Variants in ZNF782 observed in about 807,000 individuals in gnomAD.
ZNF782 encodes zinc finger protein 782.
A neutral mutation model predicts 13.0 loss-of-function variants in ZNF782; 12 were observed. The observed-to-expected ratio is 0.92, with a 90% CI of 0.59 to 1.50. The LOEUF is 1.50. Among genes scored for constraint, ZNF782 ranks in the 40% most tolerant of loss-of-function variants. The pLI, the probability that ZNF782 is intolerant of heterozygous loss-of-function variation, is 0.00. For synonymous variants in ZNF782, 284 were observed against 283.0 expected (o/e 1.00, Z -0.04); for missense variants, 770 against 822.9 (o/e 0.94, Z 0.79).
At chr9:96,842,608 T>C (rs908854304) in intron 4 of ZNF782, among the ~76,000 whole-genome samples, 1 of 152,020 alleles carries the variant, frequency 6.6e-6, no homozygotes, top group East Asian at 1.9e-4. Context: ...TAAAATATAT[T>C]ACACAATTTT....
At chr9:96,852,079 A>C in intron 2 of ZNF782, 74 bp from the exon 3 acceptor site, 50 of 985,038 alleles carry the variant, frequency 5.1e-5, no homozygotes, top group Non-Finnish European at 6.9e-5. Flanking sequence ...CCCAAATCTC[A>C]GCAACCCAGT....
chr9:96,875,482 G>A, exon 1 of ZNF782: 1 of 456,746 alleles, frequency 2.2e-6, no homozygotes, highest in South Asian at 1.5e-5. Context: ...AATAAAGCTG[G>A]AATTTATGCA....
intron 4 of ZNF782, among the ~76,000 whole-genome samples, chr9:96,840,773 A>T (rs1375641170): frequency 6.6e-6 from 1 of 152,068 alleles, no homozygotes; most frequent in Non-Finnish European, 1.5e-5. Context: ...GCAGTGCTGA[A>T]TTTTTTATGG....
intron 1 of ZNF782, among the ~76,000 whole-genome samples, chr9:96,866,043 T>C (rs950401489): frequency 2.0e-5 from 3 of 152,178 alleles, no homozygotes; most frequent in African/African-American, 7.2e-5. Flanking sequence ...TTTGGAAAAT[T>C]TGCAGCCTGA....
At chr9:96,838,630 TG>T (rs1360521203) in intron 4 of ZNF782, among the ~76,000 whole-genome samples, 1 of 152,202 alleles carries the variant, frequency 6.6e-6, no homozygotes, top group Non-Finnish European at 1.5e-5. Context: ...CCATCCTTGA[TG>T]ATCTTCCATG....
chr9:96,910,430 T>C, the ZNF782 span: 11 of 340,922 alleles, frequency 3.2e-5, no homozygotes, highest in Non-Finnish European at 5.3e-5. Flanking sequence ...AAAGTTAAAC[T>C]AAAAAAAAAA....
At chr9:96,849,383 T>C (rs995839144) in intron 3 of ZNF782, among the ~76,000 whole-genome samples, 1 of 152,250 alleles carries the variant, frequency 6.6e-6, no homozygotes, top group African/African-American at 2.4e-5. Context: ...TGCCCTTCCA[T>C]TCCTAACAGA....
the ZNF782 span, chr9:96,889,738 A>C: frequency 2.0e-5 from 3 of 152,192 alleles, no homozygotes; most frequent in East Asian, 5.8e-4. Context: ...TATTAATTTC[A>C]TCTTTATCCT....
the ZNF782 span, among the ~76,000 whole-genome samples, chr9:96,911,665 C>T: frequency 0.017 from 2,529 of 150,316 alleles, 6 homozygotes; most frequent in East Asian, 0.19. Context: ...GGACTACAGG[C>T]GCCCGCCACT....
At chr9:96,893,814 C>T in the ZNF782 span, 3 of 144,894 alleles carry the variant, frequency 2.1e-5, no homozygotes, top group South Asian at 6.4e-4. Flanking sequence ...TCCTGGCTAG[C>T]ACGGTGAAAC....
chr9:96,877,329 A>T (rs1328125082), upstream of ZNF782, among the ~76,000 whole-genome samples: 1 of 152,196 alleles, frequency 6.6e-6, no homozygotes, highest in African/African-American at 2.4e-5. Context: ...GAACACCCCC[A>T]GATGCCGCTG....
At chr9:96,892,803 G>A in the ZNF782 span, 4 of 151,600 alleles carry the variant, frequency 2.6e-5, no homozygotes, top group South Asian at 2.1e-4. Flanking sequence ...TATATCATTC[G>A]TGAACATTTA....
the ZNF782 span, among the ~76,000 whole-genome samples, chr9:96,916,619 C>T: frequency 2.6e-5 from 4 of 152,084 alleles, no homozygotes; most frequent in African/African-American, 9.7e-5. Flanking sequence ...CTTCTTCCTC[C>T]AAGGGCTGGT....
intron 1 of ZNF782, among the ~76,000 whole-genome samples, chr9:96,866,903 G>A (rs903066524): frequency 3.9e-5 from 6 of 152,130 alleles, no homozygotes; most frequent in Admixed American, 1.3e-4. Flanking sequence ...CCTTTGTTTT[G>A]GCCAATTTCT....
chr9:96,879,656 A>G (rs1182528781), upstream of ZNF782, among the ~76,000 whole-genome samples: 1 of 152,244 alleles, frequency 6.6e-6, no homozygotes, highest in Non-Finnish European at 1.5e-5. Flanking sequence ...AGGAAATGTT[A>G]CCAGAGCCTG....
upstream of ZNF782, among the ~76,000 whole-genome samples, chr9:96,854,662 A>T (rs1056312071): frequency 4.6e-5 from 7 of 152,192 alleles, no homozygotes; most frequent in East Asian, 7.7e-4. Context: ...ATTGGCGGGG[A>T]TGGAGTTTTT....
At chr9:96,877,608 G>A (rs1337599197), upstream of ZNF782, among the ~76,000 whole-genome samples, 1 of 152,220 alleles carries the variant, frequency 6.6e-6, no homozygotes, top group Admixed American at 6.5e-5. Flanking sequence ...CGCTCCGCGA[G>A]ATCTGGGGGC....
chr9:96,849,217 ATTAG>A (rs1851423343), intron 3 of ZNF782, among the ~76,000 whole-genome samples: 1 of 152,204 alleles, frequency 6.6e-6, no homozygotes, highest in African/African-American at 2.4e-5. Context: ...ATCATCAGGC[ATTAG>A]TTAGATTCTC....
chr9:96,917,918 G>T, the ZNF782 span, among the ~76,000 whole-genome samples: 1 of 150,282 alleles, frequency 6.7e-6, no homozygotes, highest in Non-Finnish European at 1.5e-5. Context: ...GTGTGTGTGT[G>T]TGTGTGTGTG....
Sources: allele counts gnomAD v4.1 joint callset (sites outside exome capture counted in the v4.1 genomes callset), GRCh38; gene constraint gnomAD v4.1.1; transcripts MANE v1.5; gene names NCBI Gene and HGNC (gene_info 2026-07-23, HGNC 2026-07-21).